Variants in SPECC1 observed in about 807,000 individuals in gnomAD.
SPECC1 encodes the protein cytospin-B.
A neutral mutation model predicts 104.1 loss-of-function variants in SPECC1; 62 were observed. The ratio of observed to expected loss-of-function variants is 0.60; its 90% CI spans 0.49 to 0.74. The LOEUF (loss-of-function observed/expected upper bound fraction) is 0.74, where lower values mean the gene tolerates loss of function less well. Ranked by LOEUF, SPECC1 falls within the 30% of genes least tolerant of loss-of-function variation. The pLI is 0.00. For synonymous variants in SPECC1, 513 were observed against 501.6 expected, an observed-to-expected ratio of 1.02 and a Z score of -0.30; for missense variants, 1,306 against 1,310.5, an observed-to-expected ratio of 1.00 and a Z score of 0.05.
intron 3 of SPECC1, among the ~76,000 whole-genome samples, chr17:20,140,592 T>C (rs755927365): frequency 3.9e-5 from 6 of 152,190 alleles, no homozygotes; most frequent in Non-Finnish European, 5.9e-5. Context: ...TGGGAACAAA[T>C]ATGCTTGACT....
At chr17:20,072,687 T>C (rs1443957132) in intron 1 of SPECC1, among the ~76,000 whole-genome samples, 1 of 152,216 alleles carries the variant, frequency 6.6e-6, no homozygotes, top group African/African-American at 2.4e-5. Context: ...TGGGGGATTC[T>C]ATGTCACAGA....
chr17:20,207,590 C>T (rs1485586134), intron 4 of SPECC1, among the ~76,000 whole-genome samples: 1 of 152,054 alleles, frequency 6.6e-6, no homozygotes, highest in Non-Finnish European at 1.5e-5. Flanking sequence ...TTAAAAATAG[C>T]TTATTTTTTT....
At chr17:20,286,428 T>G (rs1162550170) in intron 12 of SPECC1, among the ~76,000 whole-genome samples, 1 of 152,188 alleles carries the variant, frequency 6.6e-6, no homozygotes, top group African/African-American at 2.4e-5. Context: ...TGGGGTGGTC[T>G]GTGTTTCTTC....
intron 1 of SPECC1, among the ~76,000 whole-genome samples, chr17:20,081,983 G>A (rs968927159): frequency 6.6e-6 from 1 of 152,192 alleles, no homozygotes; most frequent in African/African-American, 2.4e-5. Flanking sequence ...CATCACAGAT[G>A]ATACTGAGTT....
chr17:20,154,141 G>A (rs2032253371), intron 3 of SPECC1, among the ~76,000 whole-genome samples: 1 of 152,152 alleles, frequency 6.6e-6, no homozygotes, highest in Admixed American at 6.5e-5. Flanking sequence ...CTATACATTG[G>A]TTCATTCATT....
At chr17:20,140,016 C>T (rs1336907121) in intron 3 of SPECC1, among the ~76,000 whole-genome samples, 1 of 152,146 alleles carries the variant, frequency 6.6e-6, no homozygotes, top group African/African-American at 2.4e-5. Context: ...CTTCACCCAA[C>T]ACAGCATCTC....
chr17:20,149,015 C>G (rs1230425055), intron 3 of SPECC1, among the ~76,000 whole-genome samples: 1 of 150,768 alleles, frequency 6.6e-6, no homozygotes, highest in East Asian at 1.9e-4. Context: ...GGCCACCACC[C>G]CTCGCCCAGC....
At chr17:20,097,214 G>A (rs928463052) in intron 2 of SPECC1, among the ~76,000 whole-genome samples, 36 of 152,146 alleles carry the variant, frequency 2.4e-4, no homozygotes, top group African/African-American at 7.7e-4. Context: ...ATGAGGGAGT[G>A]CGTTCTCCTC....
At chr17:20,227,688 G>A in intron 5 of SPECC1, 68 bp downstream of exon 5, 1 of 1,452,462 alleles carries the variant, frequency 6.9e-7, no homozygotes, top group East Asian at 2.3e-5. Flanking sequence ...GCTGAGGCAG[G>A]AGGATCACCT....
At chr17:20,303,629 A>G (rs1188758416) in intron 13 of SPECC1, among the ~76,000 whole-genome samples, 1 of 152,228 alleles carries the variant, frequency 6.6e-6, no homozygotes, top group East Asian at 1.9e-4. Flanking sequence ...TCTAAAATAC[A>G]TAATTATGTA....
chr17:20,241,474 T>C (rs2039199886), intron 7 of SPECC1, among the ~76,000 whole-genome samples: 1 of 152,188 alleles, frequency 6.6e-6, no homozygotes, highest in Non-Finnish European at 1.5e-5. Flanking sequence ...GGACATTAGT[T>C]GGGGTTTTCC....
At chr17:20,118,129 A>T (rs2048854723) in intron 3 of SPECC1, among the ~76,000 whole-genome samples, 1 of 151,924 alleles carries the variant, frequency 6.6e-6, no homozygotes, top group Admixed American at 6.6e-5. Context: ...AAATAAATAA[A>T]TAAATAAAGC....
chr17:20,220,561 T>G (rs943887091), intron 4 of SPECC1, among the ~76,000 whole-genome samples: 32 of 17,108 alleles, frequency 1.9e-3, no homozygotes, highest in African/African-American at 5.1e-3. Flanking sequence ...CTTAATAGTT[T>G]TTTTTTTTTT....
intron 13 of SPECC1, 180 bp from the exon 14 acceptor site, chr17:20,305,843 A>C: frequency 5.3e-5 from 26 of 495,132 alleles, no homozygotes; most frequent in Non-Finnish European, 6.0e-5. Flanking sequence ...GTTTTGGTGC[A>C]GTTGCAACCT....
intron 3 of SPECC1, among the ~76,000 whole-genome samples, chr17:20,174,119 C>T (rs1387606698): frequency 1.3e-5 from 2 of 152,024 alleles, no homozygotes; most frequent in African/African-American, 2.4e-5. Context: ...TTAGTAGAGA[C>T]AGGGTTTCAC....
chr17:20,228,164 G>C (rs747538799), intron 5 of SPECC1, among the ~76,000 whole-genome samples: 6 of 152,196 alleles, frequency 3.9e-5, no homozygotes, highest in Non-Finnish European at 8.8e-5. Flanking sequence ...TGAGTCAGCA[G>C]TGTGTAGGTG....
At chr17:20,052,084 A>C (rs1246055667) in intron 1 of SPECC1, among the ~76,000 whole-genome samples, 1 of 152,236 alleles carries the variant, frequency 6.6e-6, no homozygotes, top group African/African-American at 2.4e-5. Flanking sequence ...GTCACTTTAT[A>C]AATAGCAGCT....
chr17:20,277,370 T>C (rs188675757), intron 12 of SPECC1, among the ~76,000 whole-genome samples: 1 of 152,314 alleles, frequency 6.6e-6, no homozygotes, highest in Non-Finnish European at 1.5e-5. Context: ...GTAGGGCATA[T>C]GCTTAAAGTA....
At chr17:20,023,589 G>A (rs1302329778) in intron 1 of SPECC1, among the ~76,000 whole-genome samples, 1 of 152,114 alleles carries the variant, frequency 6.6e-6, no homozygotes, top group Non-Finnish European at 1.5e-5. Context: ...TAAATGAAGG[G>A]GGAAGAGGGC....
Sources: gnomAD v4.1 joint callset for allele counts (sites outside exome capture counted in the v4.1 genomes callset) on GRCh38, gnomAD v4.1.1 for gene constraint, MANE v1.5 for transcripts, NCBI Gene and HGNC (gene_info 2026-07-23, HGNC 2026-07-21) for gene names.